MGME1: variants seen among roughly 807,000 people sequenced by gnomAD.
MGME1 encodes mitochondrial genome maintenance exonuclease 1, also known as chromosome 20 open reading frame 72.
In MGME1, 22 loss-of-function variants were observed where a neutral mutation model predicts 33.0. The observed-to-expected ratio is 0.67, with a 90% CI of 0.48 to 0.95. The LOEUF (loss-of-function observed/expected upper bound fraction) is 0.95. Ranked by LOEUF, MGME1 falls within the 40% of genes least tolerant of loss-of-function variation. The pLI, the probability that MGME1 is intolerant of heterozygous loss-of-function variation, is 0.00. For synonymous variants in MGME1, 133 were observed against 144.0 expected (o/e 0.92, Z 0.55); for missense variants, 383 against 397.8 (o/e 0.96, Z 0.32).
chr20:17,982,224 G>A (rs1028935415), intron 3 of MGME1, among the ~76,000 whole-genome samples: 2 of 152,296 alleles, frequency 1.3e-5, no homozygotes, highest in South Asian at 2.1e-4. Flanking sequence ...GGGTTCAAGC[G>A]ATTCTCCTGT....
At position 17,989,920 on chromosome 20, in the gene MGME1, GC is replaced by G; in HGVS notation, c.865-16del. 6.2e-7 allele frequency: 1 copy of G among 1,610,320 alleles called. No homozygotes were observed. The highest frequency in any genetic ancestry group is 1.1e-5 in the South Asian group (1 of 90,522). ...GACCTACTGTAGTGAAACGAGAATT[GC>G]CCTGTGTTTCTTCCTAGGTTCAATG... On this transcript the variant is annotated intron_variant, in intron 4 of 4. Coordinates refer to ENST00000377710, the MANE Select transcript of MGME1 (RefSeq NM_052865.4).
chr20:17,989,327 G>C (rs1339301151), intron 4 of MGME1, among the ~76,000 whole-genome samples: 1 of 150,404 alleles, frequency 6.6e-6, no homozygotes, highest in African/African-American at 2.5e-5. Flanking sequence ...CGGAGGTTGC[G>C]GTGAGCCAAG....
intron 2 of MGME1, among the ~76,000 whole-genome samples, chr20:17,972,513 C>G (rs182771144): frequency 7.4e-4 from 109 of 147,994 alleles, no homozygotes; most frequent in Middle Eastern, 7.1e-3. Flanking sequence ...CATGAGAATA[C>G]TGGAGATGCA....
rs6111763 is a variant in MGME1 at position 17,972,125 on chromosome 20, A to C, written c.511+1755A>C. Among the ~76,000 whole-genome samples the C allele has an allele frequency of 2.1e-3, 314 of 152,336 alleles. 1 individual carries two copies. The highest frequency in any genetic ancestry group is 7.3e-3 in the African/African-American group (305 of 41,576). ...AATTAGTGTCATGGTGAATAAAAGA[A>C]AAAGGGCTCACTAAATTGATTAACG... is the stretch of plus-strand genomic sequence containing the variant. On this transcript the variant is annotated intron_variant, in intron 2 of 4. Coordinates refer to ENST00000377710, the MANE Select transcript of MGME1 (RefSeq NM_052865.4).
intron 3 of MGME1, among the ~76,000 whole-genome samples, chr20:17,982,072 A>G (rs556962578): frequency 6.6e-6 from 1 of 152,318 alleles, no homozygotes; most frequent in South Asian, 2.1e-4. Flanking sequence ...GCTGCAGCAA[A>G]TGTGCCTCTT....
chr20:17,981,751 G>A (rs1037879832), intron 3 of MGME1, among the ~76,000 whole-genome samples: 2 of 151,628 alleles, frequency 1.3e-5, no homozygotes, highest in African/African-American at 2.4e-5. Flanking sequence ...TATAACCTCC[G>A]CCTCCCAGGT....
At chr20:17,983,599 C>T (rs2036086596) in intron 3 of MGME1, among the ~76,000 whole-genome samples, 1 of 152,164 alleles carries the variant, frequency 6.6e-6, no homozygotes, top group Non-Finnish European at 1.5e-5. Flanking sequence ...GCAGTCCTCA[C>T]CAACACTTAC....
In MGME1 at chr20:17,979,705, C is replaced by T. The variant is rs141432898; in HGVS notation, c.731+3802C>T. The stretch of plus-strand genomic sequence containing the variant: ...TGCTGGGATTACAGGTGTGAGCCAC[C>T]GCACCGGGCCTAATAATTTTTTATT... On this transcript the variant is annotated intron_variant, in intron 3 of 4. Transcript: ENST00000377710. Among the ~76,000 whole-genome samples the T allele has an allele frequency of 2.3e-3, 349 of 151,168 alleles. 2 individuals carry two copies. The highest frequency in any genetic ancestry group is 8.0e-3 in the African/African-American group (330 of 41,166).
chr20:17,987,308 A>G (rs979463925), intron 3 of MGME1, among the ~76,000 whole-genome samples: 27 of 152,064 alleles, frequency 1.8e-4, no homozygotes, highest in Non-Finnish European at 3.1e-4. Context: ...CTAAACCTAA[A>G]CTGTCCAGTA....
intron 3 of MGME1, among the ~76,000 whole-genome samples, chr20:17,987,149 C>T (rs555773846): frequency 6.9e-6 from 1 of 145,794 alleles, no homozygotes; most frequent in East Asian, 2.0e-4. Context: ...CACTGCACTC[C>T]AGCCTGAGTG....
intron 3 of MGME1, among the ~76,000 whole-genome samples, chr20:17,982,434 G>A (rs1481156672): frequency 1.3e-5 from 2 of 152,136 alleles, no homozygotes; most frequent in African/African-American, 2.4e-5. Flanking sequence ...TGTTTTAGAC[G>A]TGTGATATAT....
chr20:17,990,337 C>G lies in MGME1; in HGVS notation c.*228C>G. On this transcript the variant is annotated 3_prime_UTR_variant, in exon 5 of 5. Coordinates refer to ENST00000377710, the MANE Select transcript of MGME1 (RefSeq NM_052865.4). ...ACGCGAAATCCCAGCTATGCTACCT[C>G]TTATTTACCTGAAAGGAGGACACGC... 2.2e-6 allele frequency: 1 copy of G among 463,028 alleles called. No homozygotes were observed. Among genetic ancestry groups the G allele is most frequent in the Non-Finnish European group, 3.9e-6 (1 of 255,856 alleles). 28.7% of individuals were successfully genotyped at this position (463,028 alleles called of 1,614,324 possible).
chr20:17,971,200 A>T (rs893007267), intron 2 of MGME1, among the ~76,000 whole-genome samples: 3 of 152,242 alleles, frequency 2.0e-5, no homozygotes, highest in African/African-American at 7.2e-5. Context: ...CCAGACTCCT[A>T]AAACTATGCG....
chr20:17,987,170 TAA>T (rs373017515), intron 3 of MGME1, among the ~76,000 whole-genome samples: 35,761 of 122,100 alleles, frequency 0.29, 4,903 homozygotes, highest in South Asian at 0.44. Flanking sequence ...AGACTCCATC[TAA>T]AAAAAAAAAA....
chr20:17,980,278 G>A (rs1013737651), intron 3 of MGME1, among the ~76,000 whole-genome samples: 1 of 151,272 alleles, frequency 6.6e-6, no homozygotes, highest in African/African-American at 2.4e-5. Context: ...TGCCTGCCTC[G>A]GCCTCCCAAA....
chr20:17,982,586 G>C (rs994873575), intron 3 of MGME1, among the ~76,000 whole-genome samples: 4 of 152,166 alleles, frequency 2.6e-5, no homozygotes, highest in Admixed American at 6.6e-5. Flanking sequence ...TGGGTCAAGG[G>C]TATGCATTTT....
intron 3 of MGME1, among the ~76,000 whole-genome samples, chr20:17,984,317 C>T (rs1322922663): frequency 2.0e-5 from 3 of 152,138 alleles, no homozygotes; most frequent in African/African-American, 7.2e-5. Flanking sequence ...TTACTTTATA[C>T]AGCCATGTTC....
chr20:17,968,786 T>G, upstream of MGME1: 139 of 270,248 alleles, frequency 5.1e-4, no homozygotes, highest in East Asian at 1.1e-3. Flanking sequence ...AAGACGCGTC[T>G]AGAGAAAGAC....
intron 3 of MGME1, among the ~76,000 whole-genome samples, chr20:17,979,125 G>A (rs529297939): frequency 4.0e-5 from 6 of 151,870 alleles, no homozygotes; most frequent in African/African-American, 1.4e-4. Flanking sequence ...TGCCCAAGCT[G>A]GAGTGCGGTG....
Sources: gnomAD v4.1 joint callset for allele counts (sites outside exome capture counted in the v4.1 genomes callset) on GRCh38, gnomAD v4.1.1 for gene constraint, MANE v1.5 for transcripts, NCBI Gene and HGNC (gene_info 2026-07-23, HGNC 2026-07-21) for gene names.